The following SLC45A4 variants were observed in gnomAD, a reference collection of about 807,000 sequenced individuals.
The protein encoded by SLC45A4 is solute carrier family 45 member 4, also known as polyamine-transporter SLC45A4.
A neutral mutation model predicts 63.7 loss-of-function variants in SLC45A4; 32 were observed. The observed-to-expected ratio is 0.50, with a 90% confidence interval of 0.38 to 0.67. The LOEUF is 0.67. SLC45A4 is among the 30% of genes least tolerant of loss of function. The pLI, the probability that SLC45A4 is intolerant of heterozygous loss-of-function variation, is 0.00. For missense variants in SLC45A4, 1,027 were observed against 1,157.7 expected (o/e 0.89, Z 1.64); for synonymous variants, 535 against 510.0 (o/e 1.05, Z -0.66).
At chr8:141,295,145 CAG>C (rs1175450917) in intron 1 of SLC45A4, among the ~76,000 whole-genome samples, 5 of 152,178 alleles carry the variant, frequency 3.3e-5, no homozygotes, top group Non-Finnish European at 7.4e-5. Context: ...GCTGTGTGGT[CAG>C]AGAGGAGCTG....
At chr8:141,246,668 G>T (rs1828220075) in intron 2 of SLC45A4, among the ~76,000 whole-genome samples, 1 of 152,216 alleles carries the variant, frequency 6.6e-6, no homozygotes, top group Admixed American at 6.5e-5. Context: ...TCACACAGAG[G>T]GTATCTCAGG....
intron 1 of SLC45A4, among the ~76,000 whole-genome samples, chr8:141,303,304 G>GTT (rs375645569): frequency 0.027 from 3,398 of 124,504 alleles, 161 homozygotes; most frequent in African/African-American, 0.079. Context: ...GCTAATTTTT[G>GTT]TTTTTTTTTT....
intron 2 of SLC45A4, among the ~76,000 whole-genome samples, chr8:141,243,732 G>A (rs1018374339): frequency 1.3e-5 from 2 of 152,058 alleles, no homozygotes; most frequent in Non-Finnish European, 1.5e-5. Flanking sequence ...TCTGCCACCC[G>A]AGACAGCAAG....
chr8:141,246,686 T>C (rs1358030699), intron 2 of SLC45A4, among the ~76,000 whole-genome samples: 2 of 61,844 alleles, frequency 3.2e-5, no homozygotes, highest in African/African-American at 6.1e-5. Context: ...AGGGGTCTCT[T>C]AGAGCCTCTT....
chr8:141,233,492 G>A (rs917773528), intron 2 of SLC45A4, among the ~76,000 whole-genome samples: 2 of 152,038 alleles, frequency 1.3e-5, no homozygotes, highest in African/African-American at 4.8e-5. Flanking sequence ...GATCAGCCTG[G>A]CCAACATGGT....
chr8:141,218,774 G>C lies in SLC45A4; in HGVS notation c.866C>G (p.Ser289Trp). 6.2e-7 allele frequency: 1 copy of C among 1,613,174 alleles called. No individual in the cohort carries two copies. ...GVPAFPDEVQ[S>W]EHELALDYPD... is the part of the protein sequence containing the mutation. ...GTAGTCCAGGGCCAGCTCGTGCTCCGACTGTACCTCGTCTGGGAAGGCAGG... is the reference window on the plus strand; with the variant it reads ...GTAGTCCAGGGCCAGCTCGTGCTCCCACTGTACCTCGTCTGGGAAGGCAGG... Residue 289 changes from serine (S) to tryptophan (W), a missense_variant, in exon 5 of 9, where the codon TCG becomes TGG. Physicochemically the swap from Ser to Trp is radical, Grantham distance 177. Transcript: ENST00000517878.
At chr8:141,301,445 T>C (rs1830738842) in intron 1 of SLC45A4, among the ~76,000 whole-genome samples, 1 of 152,064 alleles carries the variant, frequency 6.6e-6, no homozygotes, top group African/African-American at 2.4e-5. Context: ...CAGAGAAGTA[T>C]GGAGAACAGT....
intron 2 of SLC45A4, among the ~76,000 whole-genome samples, chr8:141,235,862 G>A (rs1250421416): frequency 6.6e-6 from 1 of 152,216 alleles, no homozygotes; most frequent in Admixed American, 6.5e-5. Context: ...AGCACTTCGG[G>A]AGGCTGAGGC....
Position 141,218,393 on chromosome 8 carries a change from C to T in SLC45A4, c.1247G>A (p.Arg416Gln), listed in dbSNP as rs951543660. 8.1e-6 allele frequency: 13 copies of T among 1,607,772 alleles called. No homozygotes were observed. The highest frequency in any genetic ancestry group is 1.1e-5 in the Non-Finnish European group (13 of 1,179,480). ...GGAGGCCTGCCTGCGGAACGCGTGC[C>T]GCCGCCGCCGCATGGAGCTCGACGT... The part of the protein sequence containing the change: ...SATSSSMRRR[R>Q]HAFRRQASST... Residue 416 changes from arginine to glutamine, a missense_variant, in exon 5 of 9, where the codon CGG becomes CAG. By Grantham distance (43) the Arg-to-Gln change is conservative (BLOSUM62 1). Coordinates refer to ENST00000517878, the MANE Select transcript of SLC45A4 (RefSeq NM_001286646.2).
chr8:141,285,810 G>A (rs1023858907), intron 1 of SLC45A4, among the ~76,000 whole-genome samples: 1 of 152,200 alleles, frequency 6.6e-6, no homozygotes, highest in African/African-American at 2.4e-5. Flanking sequence ...TTGGCTTTCA[G>A]TCTTTCCCGA....
Position 141,229,722 on chromosome 8 carries a change from C to T in SLC45A4, c.242-7957G>A, listed in dbSNP as rs1305918445. 6.6e-6 allele frequency among the ~76,000 whole-genome samples: 1 copy of T among 152,170 alleles called. No individual in the cohort carries two copies. The highest frequency in any genetic ancestry group is 1.5e-5 in the Non-Finnish European group (1 of 68,022). On this transcript the variant is annotated intron_variant, in intron 2 of 8. Coordinates refer to ENST00000517878, the MANE Select transcript of SLC45A4 (RefSeq NM_001286646.2). This position sits in a 1 kb window ranked among gnomAD's most constrained non-coding sequence, Gnocchi z 5.0. ...CTGGGTGATGAGCCTGACTTCCCTA[C>T]CTGCACCTCCCTCACAGCCAAAGCC...
chr8:141,292,270 T>A (rs979177011), intron 1 of SLC45A4, among the ~76,000 whole-genome samples: 3 of 152,180 alleles, frequency 2.0e-5, no homozygotes, highest in African/African-American at 7.2e-5. Context: ...GGCCCGCCAA[T>A]CCAGCTGTGG....
Position 141,218,962 on chromosome 8 carries a change from C to A in SLC45A4, c.678G>T (p.Trp226Cys). ...AGAGCACCTGGTTCTGGGTCCGGAA[C>A]CAGCTGCCCAGGAAGGTCTGGGTCC... ...LDWTQTFLGS[W>C]FRTQNQVLFF... Residue 226 changes from tryptophan (W) to cysteine (C), a missense_variant, in exon 5 of 9, where the codon TGG becomes TGT. Trp to Cys is a radical substitution (Grantham distance 215). Coordinates refer to ENST00000517878, the MANE Select transcript of SLC45A4 (RefSeq NM_001286646.2). 6.2e-7 allele frequency: 1 copy of A among 1,613,572 alleles called. No homozygotes were observed. Among genetic ancestry groups the A allele is most frequent in the Non-Finnish European group, 8.5e-7 (1 of 1,179,924 alleles).
intron 1 of SLC45A4, among the ~76,000 whole-genome samples, chr8:141,269,797 G>GT (rs1465602322): frequency 6.6e-6 from 1 of 152,138 alleles, no homozygotes. Context: ...CTGTGCATGT[G>GT]TATGTGTTGT....
intron 2 of SLC45A4, among the ~76,000 whole-genome samples, chr8:141,247,527 A>C (rs1472224803): frequency 6.6e-6 from 1 of 152,224 alleles, no homozygotes; most frequent in Non-Finnish European, 1.5e-5. Flanking sequence ...AGAAATTGAT[A>C]ACTCTAAAAT....
intron 1 of SLC45A4, among the ~76,000 whole-genome samples, chr8:141,289,347 C>T (rs1054127265): frequency 6.6e-6 from 1 of 152,194 alleles, no homozygotes; most frequent in Non-Finnish European, 1.5e-5. Flanking sequence ...AGTTCCACGC[C>T]TTAGTTCCCC....
At chr8:141,270,378 TAA>T (rs11344722) in intron 1 of SLC45A4, among the ~76,000 whole-genome samples, 238 of 140,740 alleles carry the variant, frequency 1.7e-3, no homozygotes, top group Middle Eastern at 3.6e-3. Context: ...ATAAATACAT[TAA>T]AAAAAAAAAA....
intron 1 of SLC45A4, among the ~76,000 whole-genome samples, chr8:141,270,699 G>A (rs1024009164): frequency 4.6e-5 from 7 of 152,044 alleles, no homozygotes; most frequent in Admixed American, 2.6e-4. Context: ...TCGCAGACTC[G>A]CCCAGACCTC....
chr8:141,279,121 T>C (rs1000922494), intron 1 of SLC45A4, among the ~76,000 whole-genome samples: 3 of 152,234 alleles, frequency 2.0e-5, no homozygotes, highest in African/African-American at 7.2e-5. Flanking sequence ...CAGGCTCTGC[T>C]GGTTCTCCTC....
Sources: allele counts gnomAD v4.1 joint callset (sites outside exome capture counted in the v4.1 genomes callset), GRCh38; gene constraint gnomAD v4.1.1; non-coding constraint Gnocchi (gnomAD v3.1); transcripts MANE v1.5; gene names NCBI Gene and HGNC (gene_info 2026-07-23, HGNC 2026-07-21).